APBB2: variants seen among roughly 807,000 people sequenced by gnomAD.
APBB2 encodes the protein amyloid beta precursor protein binding family B member 2.
A neutral mutation model predicts 82.5 loss-of-function variants in APBB2; 38 were observed. The ratio of observed to expected loss-of-function variants is 0.46; its 90% CI spans 0.36 to 0.60. The LOEUF (loss-of-function observed/expected upper bound fraction) is 0.60, where lower values mean the gene tolerates loss of function less well. Among genes scored for constraint, APBB2 ranks in the 20% least tolerant of loss-of-function variants. The pLI, the probability that APBB2 is intolerant of heterozygous loss-of-function variation, is 0.00. For missense variants in APBB2, 772 were observed against 972.3 expected (o/e 0.79, Z 2.74); for synonymous variants, 341 against 368.2 (o/e 0.93, Z 0.85).
At chr4:41,168,431 G>A (rs1767322924) in intron 1 of APBB2, among the ~76,000 whole-genome samples, 1 of 151,690 alleles carries the variant, frequency 6.6e-6, no homozygotes, top group Non-Finnish European at 1.5e-5. Flanking sequence ...CCAGGCTGGA[G>A]TGCAAGTGGC....
At chr4:41,045,064 T>G (rs376395450) in intron 4 of APBB2, among the ~76,000 whole-genome samples, 1 of 152,158 alleles carries the variant, frequency 6.6e-6, no homozygotes, top group African/African-American at 2.4e-5. Flanking sequence ...TCACCTTCTA[T>G]TTCTCTTAGG....
intron 10 of APBB2, among the ~76,000 whole-genome samples, chr4:40,900,208 A>G (rs1485285810): frequency 6.6e-6 from 1 of 152,236 alleles, no homozygotes; most frequent in Non-Finnish European, 1.5e-5. Context: ...CTGCAGCACA[A>G]TAACAACTGT....
chr4:41,019,971 GAC>G (rs1196256692), intron 5 of APBB2, among the ~76,000 whole-genome samples: 3 of 151,796 alleles, frequency 2.0e-5, no homozygotes, highest in Non-Finnish European at 4.4e-5. Context: ...AGGAGGGAAA[GAC>G]AGAGACAGAG....
At chr4:40,854,769 A>G (rs1190530638) in intron 12 of APBB2, among the ~76,000 whole-genome samples, 2 of 143,206 alleles carry the variant, frequency 1.4e-5, no homozygotes, top group African/African-American at 2.7e-5. Flanking sequence ...AGCCTGGGCG[A>G]TAAGAGCGAA....
chr4:41,005,609 C>G (rs1806490416), intron 6 of APBB2, among the ~76,000 whole-genome samples: 1 of 152,174 alleles, frequency 6.6e-6, no homozygotes. Context: ...AAGCCTCACA[C>G]AGGACTCCTA....
chr4:40,824,581 A>T (rs1749215748), intron 15 of APBB2, among the ~76,000 whole-genome samples: 1 of 152,076 alleles, frequency 6.6e-6, no homozygotes, highest in Non-Finnish European at 1.5e-5. Flanking sequence ...TCAGCCTCCC[A>T]GGCTCAGATG....
intron 6 of APBB2, among the ~76,000 whole-genome samples, chr4:40,946,600 A>G (rs182728707): frequency 6.6e-6 from 1 of 152,250 alleles, no homozygotes; most frequent in East Asian, 1.9e-4. Flanking sequence ...AGAAGAGAGA[A>G]CAGAGGGGAG....
chr4:41,052,237 ATAC>A (rs1201109592), intron 4 of APBB2, among the ~76,000 whole-genome samples: 58 of 147,588 alleles, frequency 3.9e-4, no homozygotes, highest in African/African-American at 9.4e-4. Context: ...ACATACATAC[ATAC>A]ATACCAAAAC....
chr4:41,144,241 T>C (rs1468078356), intron 1 of APBB2, among the ~76,000 whole-genome samples: 1 of 152,234 alleles, frequency 6.6e-6, no homozygotes, highest in Non-Finnish European at 1.5e-5. Context: ...GTGCTAAGCA[T>C]AACATTACAT....
chr4:41,151,405 G>T (rs891198805), intron 1 of APBB2, among the ~76,000 whole-genome samples: 9 of 152,150 alleles, frequency 5.9e-5, no homozygotes, highest in African/African-American at 1.7e-4. Flanking sequence ...CATGACTGAG[G>T]AGCTAAATTT....
intron 5 of APBB2, among the ~76,000 whole-genome samples, chr4:41,028,375 G>C (rs1715348415): frequency 6.6e-6 from 1 of 152,204 alleles, no homozygotes; most frequent in Non-Finnish European, 1.5e-5. Flanking sequence ...GCTGGTTCAA[G>C]GAAAAGCTTA....
intron 3 of APBB2, among the ~76,000 whole-genome samples, chr4:41,091,587 G>T (rs529670747): frequency 1.3e-5 from 2 of 152,260 alleles, no homozygotes; most frequent in African/African-American, 4.8e-5. Context: ...GTGAGGGATT[G>T]ATTGTGTCTT....
chr4:41,035,588 ACCAG>A (rs2154444215), intron 4 of APBB2, among the ~76,000 whole-genome samples: 2 of 152,342 alleles, frequency 1.3e-5, no homozygotes, highest in Admixed American at 1.3e-4. Context: ...GAAAATGAAT[ACCAG>A]TAGAGAGAAA....
At chr4:40,966,898 C>T (rs1476649943) in intron 6 of APBB2, among the ~76,000 whole-genome samples, 3 of 152,192 alleles carry the variant, frequency 2.0e-5, no homozygotes, top group African/African-American at 7.2e-5. Flanking sequence ...CACAGTGAAA[C>T]CGCACCTTCA....
At chr4:41,104,487 TCTAA>T (rs982309580) in intron 2 of APBB2, among the ~76,000 whole-genome samples, 1 of 152,198 alleles carries the variant, frequency 6.6e-6, no homozygotes, top group African/African-American at 2.4e-5. Context: ...TTTTTTTCTT[TCTAA>T]CTATTATTTT....
chr4:40,896,802 T>C (rs1773793819), intron 10 of APBB2, among the ~76,000 whole-genome samples: 2 of 152,114 alleles, frequency 1.3e-5, no homozygotes, highest in Admixed American at 6.5e-5. Context: ...ATCACCTCAG[T>C]CAAAATTCTG....
In APBB2 at chr4:41,130,206, T is replaced by C. The variant is rs921178552; in HGVS notation, c.-261+12781A>G. On this transcript the variant is annotated intron_variant, in intron 2 of 17. Transcript: ENST00000508593. ...GTAGCTATACGATGAAAAGAGAAAA[T>C]TGAGAACGAGAAGGAAAATTTCTAG... Among the ~76,000 whole-genome samples, 12 of 152,042 alleles carry C rather than the reference T, an allele frequency of 7.9e-5. No homozygotes were observed. The East Asian group carries it at 2.1e-3, about 27-fold the overall frequency.
chr4:41,002,991 T>C (rs1805660004), intron 6 of APBB2, among the ~76,000 whole-genome samples: 1 of 152,200 alleles, frequency 6.6e-6, no homozygotes, highest in Non-Finnish European at 1.5e-5. Context: ...TGTCTGTCTG[T>C]TTCTAAGCTT....
intron 7 of APBB2, among the ~76,000 whole-genome samples, chr4:40,938,794 G>A (rs1786047728): frequency 1.3e-5 from 2 of 152,198 alleles, no homozygotes; most frequent in South Asian, 2.1e-4. Flanking sequence ...ATCTCTGTGT[G>A]CACTTGAGAA....
Sources: allele counts gnomAD v4.1 joint callset (sites outside exome capture counted in the v4.1 genomes callset), GRCh38; gene constraint gnomAD v4.1.1; transcripts MANE v1.5; gene names NCBI Gene and HGNC (gene_info 2026-07-23, HGNC 2026-07-21).